Variants in PABPC4L observed in about 807,000 individuals in gnomAD.
The protein encoded by PABPC4L is polyadenylate-binding protein 4-like.
For synonymous variants in PABPC4L, 169 were observed against 164.1 expected (o/e 1.03, Z -0.23); for missense variants, 452 against 451.4 (o/e 1.00, Z -0.01).
At chr4:133,986,491 A>G in the PABPC4L span, among the ~76,000 whole-genome samples, 3 of 152,124 alleles carry the variant, frequency 2.0e-5, no homozygotes, top group Admixed American at 2.0e-4. Flanking sequence ...CTTAATGACA[A>G]TGAGAAGAAA....
At chr4:134,171,620 C>T in the PABPC4L span, among the ~76,000 whole-genome samples, 1 of 152,062 alleles carries the variant, frequency 6.6e-6, no homozygotes, top group Admixed American at 6.6e-5. Context: ...AAGACAAGGT[C>T]GCCCACTGTC....
chr4:134,179,923 C>A, the PABPC4L span, among the ~76,000 whole-genome samples: 1 of 152,042 alleles, frequency 6.6e-6, no homozygotes, highest in Non-Finnish European at 1.5e-5. Flanking sequence ...CTTAGATAAC[C>A]ACACAATAAC....
At chr4:134,188,889 T>C in the PABPC4L span, among the ~76,000 whole-genome samples, 1 of 152,038 alleles carries the variant, frequency 6.6e-6, no homozygotes, top group Non-Finnish European at 1.5e-5. Context: ...GGTATTTCTT[T>C]TGTTTCATTC....
chr4:134,195,956 A>C (rs1161784484), downstream of PABPC4L, among the ~76,000 whole-genome samples: 1 of 151,006 alleles, frequency 6.6e-6, no homozygotes. Context: ...AGATTTTTTA[A>C]AATTATATTT....
the PABPC4L span, among the ~76,000 whole-genome samples, chr4:133,980,043 G>C: frequency 1.2e-4 from 18 of 151,996 alleles, no homozygotes; most frequent in African/African-American, 3.4e-4. Context: ...TGTCATACTA[G>C]GTACATGTTT....
At chr4:134,016,021 G>A in the PABPC4L span, among the ~76,000 whole-genome samples, 1 of 151,988 alleles carries the variant, frequency 6.6e-6, no homozygotes, top group Non-Finnish European at 1.5e-5. Flanking sequence ...CCTCATGACT[G>A]CATCTCTCTG....
chr4:134,144,040 C>T, the PABPC4L span, among the ~76,000 whole-genome samples: 31,626 of 151,444 alleles, frequency 0.21, 4,107 homozygotes, highest in Non-Finnish European at 0.27. Flanking sequence ...AAGGTAACCA[C>T]TCAGTCAAAG....
At chr4:133,968,642 A>C in the PABPC4L span, among the ~76,000 whole-genome samples, 4 of 152,204 alleles carry the variant, frequency 2.6e-5, no homozygotes, top group Non-Finnish European at 5.9e-5. Flanking sequence ...CATGGATAAC[A>C]AGGCACTATA....
chr4:134,069,746 T>G, the PABPC4L span, among the ~76,000 whole-genome samples: 1 of 152,170 alleles, frequency 6.6e-6, no homozygotes, highest in African/African-American at 2.4e-5. Flanking sequence ...TTAAAATCCT[T>G]GCGTTGGGAT....
At chr4:134,084,137 C>T in the PABPC4L span, among the ~76,000 whole-genome samples, 1 of 152,142 alleles carries the variant, frequency 6.6e-6, no homozygotes, top group Non-Finnish European at 1.5e-5. Context: ...TAGCCTCAAA[C>T]TCCTGGGCCC....
the PABPC4L span, among the ~76,000 whole-genome samples, chr4:133,989,010 CT>C: frequency 6.6e-6 from 1 of 152,102 alleles, no homozygotes; most frequent in Non-Finnish European, 1.5e-5. Context: ...ACCTTGGACC[CT>C]TTTACCCATG....
At chr4:134,048,972 A>T in the PABPC4L span, among the ~76,000 whole-genome samples, 1 of 152,234 alleles carries the variant, frequency 6.6e-6, no homozygotes, top group Admixed American at 6.5e-5. Flanking sequence ...TTCTAGATTC[A>T]AGTATAAAAT....
the PABPC4L span, among the ~76,000 whole-genome samples, chr4:134,060,030 GGAGGAGGGA>G: frequency 1.3e-5 from 2 of 152,106 alleles, no homozygotes; most frequent in African/African-American, 4.8e-5. Context: ...CTGTATGCTT[GGAGGAGGGA>G]GAGCACAGTG....
At chr4:134,054,058 AG>A in the PABPC4L span, among the ~76,000 whole-genome samples, 1 of 151,658 alleles carries the variant, frequency 6.6e-6, no homozygotes, top group Non-Finnish European at 1.5e-5. Flanking sequence ...GTGACAAAGA[AG>A]TGAGTATAAA....
chr4:134,078,447 C>T, the PABPC4L span, among the ~76,000 whole-genome samples: 1 of 151,978 alleles, frequency 6.6e-6, no homozygotes, highest in South Asian at 2.1e-4. Context: ...CTTGTGCTTG[C>T]CATATTGCTT....
chr4:134,116,841 C>A, the PABPC4L span, among the ~76,000 whole-genome samples: 5 of 151,632 alleles, frequency 3.3e-5, no homozygotes, highest in Non-Finnish European at 5.9e-5. Flanking sequence ...GTAGTTCCTT[C>A]ATTTGATATA....
chr4:134,053,718 T>A, the PABPC4L span, among the ~76,000 whole-genome samples: 1 of 152,052 alleles, frequency 6.6e-6, no homozygotes, highest in African/African-American at 2.4e-5. Flanking sequence ...TATGAGGACA[T>A]TGGTAAAACT....
At chr4:134,024,676 G>A in the PABPC4L span, among the ~76,000 whole-genome samples, 1 of 151,848 alleles carries the variant, frequency 6.6e-6, no homozygotes, top group Non-Finnish European at 1.5e-5. Context: ...TGAATTCTGG[G>A]GGAAACAATT....
chr4:134,082,643 A>G, the PABPC4L span, among the ~76,000 whole-genome samples: 4 of 152,186 alleles, frequency 2.6e-5, no homozygotes, highest in African/African-American at 7.2e-5. Flanking sequence ...ATGATCTCAT[A>G]TGGAGAGTCT....
Sources: allele counts gnomAD v4.1 joint callset (sites outside exome capture counted in the v4.1 genomes callset), GRCh38; gene constraint gnomAD v4.1.1; transcripts MANE v1.5; gene names NCBI Gene and HGNC (gene_info 2026-07-23, HGNC 2026-07-21).